The following SYNPR variants were observed in gnomAD, a reference collection of about 807,000 sequenced individuals.
SYNPR encodes the protein synaptoporin.
In SYNPR, 23 loss-of-function variants were observed where a neutral mutation model predicts 32.9. The observed-to-expected ratio is 0.70, with a 90% confidence interval of 0.50 to 0.99. The LOEUF is 0.99. Ranked by LOEUF, SYNPR falls within the 50% of genes least tolerant of loss-of-function variation. The pLI is 0.00. For missense variants in SYNPR, 318 were observed against 349.3 expected (o/e 0.91, Z 0.71); for synonymous variants, 146 against 135.9 (o/e 1.07, Z -0.52).
At chr3:63,442,188 C>A (rs919858639) in intron 2 of SYNPR, among the ~76,000 whole-genome samples, 6 of 107,616 alleles carry the variant, frequency 5.6e-5, no homozygotes, top group African/African-American at 8.0e-5. Flanking sequence ...TGTGTGTGTG[C>A]ACGCATGAAA....
chr3:63,209,159 A>G, the SYNPR span, among the ~76,000 whole-genome samples: 3 of 152,148 alleles, frequency 2.0e-5, no homozygotes, highest in African/African-American at 7.2e-5. Context: ...TCTACTAAAA[A>G]TACAAAAAAC....
chr3:63,461,214 TG>T (rs1700579420), intron 2 of SYNPR, among the ~76,000 whole-genome samples: 1 of 152,084 alleles, frequency 6.6e-6, no homozygotes, highest in African/African-American at 2.4e-5. Context: ...ACATGATAAA[TG>T]GGTTTGTTGA....
intron 3 of SYNPR, among the ~76,000 whole-genome samples, chr3:63,508,339 G>A (rs1225667244): frequency 1.3e-5 from 2 of 152,120 alleles, no homozygotes; most frequent in African/African-American, 4.8e-5. Flanking sequence ...ATTCTCAAGA[G>A]GAAGTGATTG....
chr3:63,612,311 C>T (rs1279486762), intron 5 of SYNPR, among the ~76,000 whole-genome samples: 1 of 152,158 alleles, frequency 6.6e-6, no homozygotes, highest in East Asian at 1.9e-4. Context: ...TACGGTCATT[C>T]CCAAATGTCA....
At chr3:63,334,262 T>A (rs143478733) in intron 2 of SYNPR, among the ~76,000 whole-genome samples, 1 of 152,304 alleles carries the variant, frequency 6.6e-6, no homozygotes, top group Admixed American at 6.5e-5. Context: ...CTCTCAAGAA[T>A]TGGCTTTGGC....
chr3:63,363,054 T>C (rs1307067401), intron 2 of SYNPR, among the ~76,000 whole-genome samples: 1 of 152,208 alleles, frequency 6.6e-6, no homozygotes, highest in African/African-American at 2.4e-5. Flanking sequence ...ATCTACATGG[T>C]AGCAAATAGT....
At chr3:63,257,851 T>C (rs150982675) in intron 2 of SYNPR, among the ~76,000 whole-genome samples, 24,415 of 151,906 alleles carry the variant, frequency 0.16, 2,279 homozygotes, top group Non-Finnish European at 0.21. Context: ...ACACATAGGC[T>C]TAAAATAAAG....
intron 2 of SYNPR, among the ~76,000 whole-genome samples, chr3:63,361,888 G>T (rs1459476708): frequency 6.6e-6 from 1 of 152,002 alleles, no homozygotes. Flanking sequence ...GCCTTATGGG[G>T]CAACTCCTGA....
chr3:63,486,221 G>A (rs1208511092), intron 3 of SYNPR, among the ~76,000 whole-genome samples: 1 of 152,108 alleles, frequency 6.6e-6, no homozygotes, highest in African/African-American at 2.4e-5. Flanking sequence ...AAGTCCCTAT[G>A]ACTGTTAAAG....
At chr3:63,357,936 A>G (rs1165537544) in intron 2 of SYNPR, among the ~76,000 whole-genome samples, 1 of 152,174 alleles carries the variant, frequency 6.6e-6, no homozygotes, top group African/African-American at 2.4e-5. Flanking sequence ...TTGTCATCTT[A>G]TAGTGTAGGA....
At chr3:63,612,369 C>A (rs1575737326) in intron 5 of SYNPR, among the ~76,000 whole-genome samples, 1 of 152,212 alleles carries the variant, frequency 6.6e-6, no homozygotes, top group East Asian at 1.9e-4. Flanking sequence ...TGTTTTTAGT[C>A]TCTCAATTTC....
chr3:63,609,062 A>C, intron 4 of SYNPR, 63 bp from the exon 5 acceptor site: 1 of 1,512,948 alleles, frequency 6.6e-7, no homozygotes, highest in Non-Finnish European at 8.9e-7. Flanking sequence ...ATATAAACAA[A>C]TCAACTTGTT....
chr3:63,610,360 A>G (rs943208712), intron 5 of SYNPR: 2 of 478,496 alleles, frequency 4.2e-6, no homozygotes, highest in African/African-American at 3.8e-5. Context: ...AATGGCAGCA[A>G]AAAGCAGCGG....
At chr3:63,523,389 C>G (rs1464248571) in intron 3 of SYNPR, among the ~76,000 whole-genome samples, 1 of 152,118 alleles carries the variant, frequency 6.6e-6, no homozygotes, top group Non-Finnish European at 1.5e-5. Flanking sequence ...ATTCCTGGTC[C>G]TCCAAGCAGG....
chr3:63,563,465 C>T (rs1161980850), intron 4 of SYNPR, among the ~76,000 whole-genome samples: 1 of 152,108 alleles, frequency 6.6e-6, no homozygotes, highest in Non-Finnish European at 1.5e-5. Context: ...ATACAGAAAT[C>T]AGATTTTGCA....
At chr3:63,565,379 T>C (rs565156946) in intron 4 of SYNPR, among the ~76,000 whole-genome samples, 1 of 152,276 alleles carries the variant, frequency 6.6e-6, no homozygotes, top group South Asian at 2.1e-4. Context: ...TCCAGCAGGT[T>C]CTATTGCTTG....
At chr3:63,281,615 C>T (rs1432549166) in intron 2 of SYNPR, among the ~76,000 whole-genome samples, 1 of 152,074 alleles carries the variant, frequency 6.6e-6, no homozygotes, top group African/African-American at 2.4e-5. Context: ...TCGTCTGTCC[C>T]TTATAAGAAC....
upstream of SYNPR, among the ~76,000 whole-genome samples, chr3:63,226,116 G>T (rs1431053375): frequency 6.6e-6 from 1 of 152,110 alleles, no homozygotes; most frequent in Non-Finnish European, 1.5e-5. Flanking sequence ...GATAATTAGG[G>T]AAATGCAAAT....
chr3:63,506,323 T>C (rs984868417), intron 3 of SYNPR, among the ~76,000 whole-genome samples: 2 of 152,172 alleles, frequency 1.3e-5, no homozygotes, highest in Admixed American at 6.6e-5. Flanking sequence ...CACTTTCTAC[T>C]TCTCAGTTAA....
Sources: gnomAD v4.1 joint callset for allele counts (sites outside exome capture counted in the v4.1 genomes callset) on GRCh38, gnomAD v4.1.1 for gene constraint, MANE v1.5 for transcripts, NCBI Gene and HGNC (gene_info 2026-07-23, HGNC 2026-07-21) for gene names.